Variants in CTNND1 observed in about 807,000 individuals in gnomAD.
CTNND1 encodes catenin delta-1.
In CTNND1, 16 loss-of-function variants were observed where a neutral mutation model predicts 112.1. The ratio of observed to expected loss-of-function variants is 0.14; its 90% CI spans 0.10 to 0.22. The LOEUF (loss-of-function observed/expected upper bound fraction) is 0.22. Ranked by LOEUF, CTNND1 falls within the 10% of genes least tolerant of loss-of-function variation. The probability of loss-of-function intolerance (pLI) is 1.00; values close to 1 mark genes in which losing one functional copy is unlikely to be tolerated. For missense variants in CTNND1, 1,008 were observed against 1,257.0 expected (o/e 0.80, Z 3.00); for synonymous variants, 420 against 446.5 (o/e 0.94, Z 0.75).
chr11:57,781,154 G>A (rs2136304700), intron 1 of CTNND1, among the ~76,000 whole-genome samples: 1 of 152,184 alleles, frequency 6.6e-6, no homozygotes, highest in South Asian at 2.1e-4. Context: ...GACCAGGCTA[G>A]TCTCAAACTC....
At position 57,805,956 on chromosome 11, in the gene CTNND1, T is replaced by A; in HGVS notation, c.1797T>A (p.Arg599=). The change falls in exon 10 of 21, where the codon CGT becomes CGA. Residue 599 remains arginine (R), a synonymous_variant. Transcript: ENST00000399050. ...ACCGGGAGATCCCACAGGCAGAGCG[T>A]TACCAAGAGGCAGCTCCCAATGTTG... The part of the protein sequence containing the change: ...QVHREIPQAE[R]YQEAAPNVAN... The A allele has an allele frequency of 6.2e-7, 1 of 1,613,394 alleles. No homozygotes were observed. The highest frequency in any genetic ancestry group is 8.5e-7 in the Non-Finnish European group (1 of 1,179,610).
At position 57,788,074 on chromosome 11, in the gene CTNND1, T is replaced by C. The variant is rs1473452252; in HGVS notation, c.-213-963T>C. ...AGGGTGGATGCTGCTGGAGTGGTAA[T>C]TGCACTTCAGACCCTGTTGAAATTC... On this transcript the variant is annotated intron_variant, in intron 1 of 20. Coordinates refer to ENST00000399050, the MANE Select transcript of CTNND1 (RefSeq NM_001085458.2). This position sits in a 1 kb window ranked among gnomAD's most constrained non-coding sequence, Gnocchi z 4.1. Among the ~76,000 whole-genome samples, 1 of 152,200 alleles carries C rather than the reference T, an allele frequency of 6.6e-6. No homozygotes were observed. Among genetic ancestry groups the C allele is most frequent in the Non-Finnish European group, 1.5e-5 (1 of 68,038 alleles).
intron 3 of CTNND1, among the ~76,000 whole-genome samples, chr11:57,792,763 T>G (rs1310768179): frequency 1.3e-5 from 2 of 151,746 alleles, no homozygotes; most frequent in African/African-American, 2.4e-5. Flanking sequence ...TCTCTTGACC[T>G]CGTGATCCAC....
chr11:57,772,680 C>T (rs764965299), intron 1 of CTNND1, among the ~76,000 whole-genome samples: 4 of 152,180 alleles, frequency 2.6e-5, no homozygotes, highest in African/African-American at 4.8e-5. Context: ...CATGCATATA[C>T]GAAAGTAAAA....
At position 57,791,366 on chromosome 11, in the gene CTNND1, T is replaced by C. The variant is rs981201023; in HGVS notation, c.-94-19T>C. On this transcript the variant is annotated intron_variant, in intron 2 of 20. Coordinates refer to ENST00000399050, the MANE Select transcript of CTNND1 (RefSeq NM_001085458.2). ...GACCTGTGACCTTTTCTCTCCTTTC[T>C]CTTACCCTTTCCCGGTAGTGTGAAG... The C allele has an allele frequency of 7.4e-7, 1 of 1,360,254 alleles. No homozygotes were observed. Among genetic ancestry groups the C allele is most frequent in the Non-Finnish European group, 9.5e-7 (1 of 1,049,990 alleles). 84.3% of individuals were successfully genotyped at this position (1,360,254 alleles called of 1,614,324 possible).
chr11:57,805,825 T>TG lies in CTNND1; in HGVS notation c.1723-56dup, dbSNP rs2062605073. 3 of 1,570,806 alleles carry TG rather than the reference T, an allele frequency of 1.9e-6. No individual in the cohort carries two copies. The East Asian group carries it at 6.8e-5, about 35-fold the overall frequency. ...TACCTGAGTCATGGAAACCTGTACTTGTGGAGAAATCACAATAGACATTCT... is the reference window on the plus strand; with the variant it reads ...TACCTGAGTCATGGAAACCTGTACTTGGTGGAGAAATCACAATAGACATTCT... On this transcript the variant is annotated intron_variant, in intron 9 of 20. Transcript: ENST00000399050.
chr11:57,809,572 T>C (rs2063092484), intron 15 of CTNND1, 106 bp downstream of exon 15: 1 of 941,704 alleles, frequency 1.1e-6, no homozygotes, highest in Non-Finnish European at 1.6e-6. Context: ...TTACGTGTAA[T>C]GTGTGAAGAG....
intron 1 of CTNND1, among the ~76,000 whole-genome samples, chr11:57,774,420 G>A (rs1354039483): frequency 6.6e-5 from 10 of 152,194 alleles, no homozygotes; most frequent in Admixed American, 6.5e-4. Flanking sequence ...CAGAGAAGAT[G>A]GTGCTGGCAA....
Position 57,788,934 on chromosome 11 carries a change from C to A in CTNND1, c.-213-103C>A. Reference sequence around the variant, plus strand: ...CAATTCCAAGTCATATTTTAAATTACTTCCTTTCATTCCTAATATTGCCCC... The same window carrying A: ...CAATTCCAAGTCATATTTTAAATTAATTCCTTTCATTCCTAATATTGCCCC... On this transcript the variant is annotated intron_variant, in intron 1 of 20. Coordinates refer to ENST00000399050, the MANE Select transcript of CTNND1 (RefSeq NM_001085458.2). The surrounding 1 kb of genome is among the most constrained non-coding windows in gnomAD (Gnocchi z 4.1). 2 of 844,918 alleles carry A rather than the reference C, an allele frequency of 2.4e-6. No individual in the cohort carries two copies. Among genetic ancestry groups the A allele is most frequent in the Non-Finnish European group, 3.8e-6 (2 of 522,114 alleles). 52.3% of individuals were successfully genotyped at this position (844,918 alleles called of 1,614,324 possible). A position where few individuals can be genotyped will look rare whatever the true frequency, so the allele number is the denominator to read the frequency against.
Position 57,791,612 on chromosome 11 carries a change from G to A in CTNND1, c.134G>A (p.Arg45Gln), listed in dbSNP as rs772675681. 9.3e-6 allele frequency: 15 copies of A among 1,607,442 alleles called. No individual in the cohort carries two copies. The highest frequency in any genetic ancestry group is 2.2e-5 in the South Asian group (2 of 90,114). Residue 45 changes from arginine to glutamine, a missense_variant, in exon 3 of 21, where the codon CGG (arginine) becomes CAG (glutamine). Around this residue, in one of 5 missense-constraint regions of CTNND1, gnomAD observed 404 missense variants for 457.9 expected, o/e 0.88. Transcript: ENST00000399050. ...GTCTCGGCGCAGCTGGAACGCGTCC[G>A]GGTCTCACCACAAGATGCCAACCCA... Reference protein sequence around the residue: ...RHVSAQLERVRVSPQDANPLM... With the variant: ...RHVSAQLERVQVSPQDANPLM...
chr11:57,791,812 T>G, intron 3 of CTNND1, 139 bp downstream of exon 3: 1 of 892,228 alleles, frequency 1.1e-6, no homozygotes, highest in Non-Finnish European at 1.6e-6. Flanking sequence ...TTTCCAGGGG[T>G]GTTAAATGCT....
intron 4 of CTNND1, 21 bp from the exon 5 acceptor site, chr11:57,795,556 T>G: frequency 1.3e-6 from 2 of 1,599,296 alleles, no homozygotes. Flanking sequence ...TAGTTTCTTC[T>G]CTTTTCTCTT....
intron 4 of CTNND1, among the ~76,000 whole-genome samples, chr11:57,794,785 CAA>C (rs777103502): frequency 1.5e-4 from 12 of 81,150 alleles, no homozygotes; most frequent in Non-Finnish European, 1.8e-4. Context: ...AACTCTGTCT[CAA>C]AAAAAAAAAA....
intron 6 of CTNND1, among the ~76,000 whole-genome samples, chr11:57,797,311 AC>A (rs2061446690): frequency 6.7e-6 from 1 of 148,408 alleles, no homozygotes; most frequent in Non-Finnish European, 1.5e-5. Flanking sequence ...GCTCACTGCC[AC>A]CTCCGCCTCC....
chr11:57,776,194 A>G (rs956703666), intron 1 of CTNND1, among the ~76,000 whole-genome samples: 10 of 152,082 alleles, frequency 6.6e-5, no homozygotes, highest in Non-Finnish European at 1.2e-4. Context: ...TGACCAGTCA[A>G]TTGTATTAAG....
At chr11:57,814,574 A>C (rs931171730) in intron 18 of CTNND1, among the ~76,000 whole-genome samples, 4 of 152,208 alleles carry the variant, frequency 2.6e-5, no homozygotes, top group African/African-American at 9.6e-5. Flanking sequence ...CTACATGCTC[A>C]AAGGTTTTCA....
chr11:57,798,696 A>G (rs189564258), intron 6 of CTNND1, among the ~76,000 whole-genome samples: 90 of 152,284 alleles, frequency 5.9e-4, no homozygotes, highest in African/African-American at 1.9e-3. Context: ...GGACTGGTAC[A>G]TGGTTTGCCT....
chr11:57,800,768 C>T (rs1424506149), intron 6 of CTNND1, among the ~76,000 whole-genome samples: 1 of 152,200 alleles, frequency 6.6e-6, no homozygotes, highest in African/African-American at 2.4e-5. Flanking sequence ...ATAGATTATC[C>T]TCTCCTGTGG....
At chr11:57,806,168 C>A in intron 10 of CTNND1, 133 bp downstream of exon 10, 1 of 1,240,344 alleles carries the variant, frequency 8.1e-7, no homozygotes, top group Non-Finnish European at 1.1e-6. Flanking sequence ...TGGTTTGCTG[C>A]TTTCCCTGTG....
Sources: allele counts gnomAD v4.1 joint callset (sites outside exome capture counted in the v4.1 genomes callset), GRCh38; gene constraint gnomAD v4.1.1; regional missense constraint gnomAD v4.1.1; non-coding constraint Gnocchi (gnomAD v3.1); transcripts MANE v1.5; gene names NCBI Gene and HGNC (gene_info 2026-07-23, HGNC 2026-07-21).